SYNE1: variants seen among roughly 807,000 people sequenced by gnomAD.
SYNE1 encodes spectrin repeat containing nuclear envelope protein 1.
In SYNE1, 616 loss-of-function variants were observed where a neutral mutation model predicts 1,111.0. The ratio of observed to expected loss-of-function variants is 0.55; its 90% CI spans 0.52 to 0.59. The LOEUF (loss-of-function observed/expected upper bound fraction) is 0.59. SYNE1 is among the 20% of genes least tolerant of loss of function. SYNE1 has a pLI of 0.00. For synonymous variants in SYNE1, 3,855 were observed against 3,825.8 expected (o/e 1.01, Z -0.28); for missense variants, 10,006 against 10,417.0 (o/e 0.96, Z 1.72).
At chr6:152,241,500 C>CTGTGTGTGTGTGTGTGTGTGTG (rs1231628952) in intron 107 of SYNE1, among the ~76,000 whole-genome samples, 819 of 74,120 alleles carry the variant, frequency 0.011, 6 homozygotes, top group Middle Eastern at 0.026. Flanking sequence ...AATGCAAGAG[C>CTGTGTGTGTGTGTGTGTGTGTG]TGTGTGTGTG....
chr6:152,576,567 C>T (rs2099497329), intron 3 of SYNE1, among the ~76,000 whole-genome samples: 1 of 152,148 alleles, frequency 6.6e-6, no homozygotes, highest in African/African-American at 2.4e-5. Flanking sequence ...GGGATGCAGG[C>T]TACCCCAAAA....
intron 18 of SYNE1, 104 bp downstream of exon 18, chr6:152,465,154 G>A: frequency 7.7e-7 from 1 of 1,298,682 alleles, no homozygotes; most frequent in Non-Finnish European, 1.1e-6. Flanking sequence ...AGATTCTTGA[G>A]TGACACTTGT....
chr6:152,308,389 A>G, intron 91 of SYNE1, 100 bp downstream of exon 91: 1 of 1,547,472 alleles, frequency 6.5e-7, no homozygotes. Flanking sequence ...CATTAAGTGC[A>G]GGACAGGGGA....
At chr6:152,201,508 T>C (rs963103279) in intron 127 of SYNE1, among the ~76,000 whole-genome samples, 2 of 152,022 alleles carry the variant, frequency 1.3e-5, no homozygotes, top group Non-Finnish European at 2.9e-5. Flanking sequence ...GACTCGATTC[T>C]TCTGGTAGAA....
At chr6:152,149,382 GAGT>G in intron 136 of SYNE1, 92 bp downstream of exon 136, 1 of 1,461,454 alleles carries the variant, frequency 6.8e-7, no homozygotes, top group Non-Finnish European at 9.6e-7. Flanking sequence ...TCCAGCTCCA[GAGT>G]CTGAGCTCTC....
At chr6:152,372,226 C>T (rs1188021063) in intron 59 of SYNE1, among the ~76,000 whole-genome samples, 1 of 152,200 alleles carries the variant, frequency 6.6e-6, no homozygotes, top group Non-Finnish European at 1.5e-5. Flanking sequence ...GGTTATCACT[C>T]TGTTAAATGG....
At chr6:152,559,779 TC>T (rs562103129) in intron 3 of SYNE1, among the ~76,000 whole-genome samples, 26 of 151,832 alleles carry the variant, frequency 1.7e-4, no homozygotes, top group African/African-American at 5.8e-4. Flanking sequence ...ATAACAAAGA[TC>T]AGGGCAGAAA....
intron 31 of SYNE1, 128 bp downstream of exon 31, chr6:152,441,947 T>C (rs555709058): frequency 1.2e-5 from 14 of 1,138,666 alleles, no homozygotes; most frequent in South Asian, 2.5e-5. Context: ...ATGGTTCATG[T>C]ACAGAATTTA....
rs751859738 is a variant in SYNE1, at chr6:152,416,874, C to T, written c.5563G>A (p.Glu1855Lys). ...KAEDCFQLFE[E>K]ASQVVERRQL... ...CGCCTCTCCACAACCTGGCTGGCCT[C>T]CTCAAACAGCTGGAAGCAGTCCTCA... Residue 1855 changes from glutamate (E) to lysine (K), a missense_variant, in exon 41 of 146, where the codon GAG becomes AAG. Coordinates refer to ENST00000367255, the MANE Select transcript of SYNE1 (RefSeq NM_182961.4). 4 of 1,613,830 alleles carry T rather than the reference C, an allele frequency of 2.5e-6. No individual in the cohort carries two copies. In the East Asian group the frequency reaches 8.9e-5, roughly 36 times the overall value.
chr6:152,382,932 C>T (rs994540415), intron 55 of SYNE1, among the ~76,000 whole-genome samples: 8 of 152,168 alleles, frequency 5.3e-5, no homozygotes, highest in Non-Finnish European at 1.0e-4. Flanking sequence ...CATTTTTAAA[C>T]ATATGATATA....
chr6:152,348,252 A>C (rs898317333), intron 72 of SYNE1, among the ~76,000 whole-genome samples: 1 of 152,208 alleles, frequency 6.6e-6, no homozygotes, highest in African/African-American at 2.4e-5. Context: ...GTGAGGTTGT[A>C]CAACACAGTC....
rs938575567 is a variant in SYNE1 at position 152,407,074 on chromosome 6, T to C, written c.6663A>G (p.Ala2221=). ...GWSNNCVPQM[A]ENISNLDNHL... is the part of the protein sequence containing the mutation. ...GGTTATCCAGGTTGCTGATGTTTTC[T>C]GCCATCTGTGGAACGCAGTTGTTTG... The change falls in exon 45 of 146, where the codon GCA becomes GCG. Residue 2221 remains alanine (A), a synonymous_variant. Transcript: ENST00000367255. The C allele has an allele frequency of 2.5e-6, 4 of 1,613,980 alleles. No homozygotes were observed. The highest frequency in any genetic ancestry group is 3.3e-5 in the Admixed American group (2 of 60,002).
intron 98 of SYNE1, among the ~76,000 whole-genome samples, chr6:152,272,427 C>T (rs1467003580): frequency 6.6e-6 from 1 of 152,142 alleles, no homozygotes; most frequent in African/African-American, 2.4e-5. Context: ...CAGGAACATT[C>T]CTTGGAAGAT....
Position 152,502,204 on chromosome 6 carries a change from G to A in SYNE1, c.888+429C>T, listed in dbSNP as rs147088738. On this transcript the variant is annotated intron_variant, in intron 10 of 145. Coordinates refer to ENST00000367255, the MANE Select transcript of SYNE1 (RefSeq NM_182961.4). ...AATAATTAGAACTTTTACAAATTGC[G>A]TCTTACTTCCATATGTTTGCTGTCA... Among the ~76,000 whole-genome samples the A allele has an allele frequency of 4.9e-3, 748 of 151,702 alleles. 8 individuals are homozygous for A. The highest frequency in any genetic ancestry group is 0.017 in the African/African-American group (694 of 41,048).
chr6:152,493,083 C>T (rs778277785), intron 11 of SYNE1, among the ~76,000 whole-genome samples: 1 of 152,060 alleles, frequency 6.6e-6, no homozygotes, highest in Admixed American at 6.5e-5. Context: ...CCTCTTGTAT[C>T]CCCTGCACCT....
chr6:152,234,487 G>T (rs531128958), intron 111 of SYNE1, among the ~76,000 whole-genome samples, 181 bp downstream of exon 111: 33 of 152,090 alleles, frequency 2.2e-4, no homozygotes, highest in Non-Finnish European at 3.7e-4. Context: ...TAGAGACAGG[G>T]TTTCACCATG....
Position 152,518,453 on chromosome 6 carries a change from C to T in SYNE1, c.309+2006G>A, listed in dbSNP as rs531715071. On this transcript the variant is annotated intron_variant, in intron 6 of 145. Coordinates refer to ENST00000367255, the MANE Select transcript of SYNE1 (RefSeq NM_182961.4). ...CAGCACCTCGCCCCTTGCTCTCTTG[C>T]TCCTGCTCTGGCCATGTGACGTCCC... is the stretch of plus-strand genomic sequence containing the variant. Among the ~76,000 whole-genome samples, 48 of 152,030 alleles carry T rather than the reference C, an allele frequency of 3.2e-4. No homozygotes were observed. The South Asian group carries it at 9.8e-3, about 31-fold the overall frequency.
At chr6:152,384,273 T>C (rs1052330565) in intron 55 of SYNE1, among the ~76,000 whole-genome samples, 1 of 152,192 alleles carries the variant, frequency 6.6e-6, no homozygotes, top group African/African-American at 2.4e-5. Flanking sequence ...ACTCTAATAG[T>C]ACAGTAAGCT....
At chr6:152,232,340 AC>A in intron 112 of SYNE1, 75 bp from the exon 113 acceptor site, 1 of 1,474,342 alleles carries the variant, frequency 6.8e-7, no homozygotes, top group Non-Finnish European at 9.5e-7. Flanking sequence ...TAAAAACCCT[AC>A]AATAATTCTT....
Sources: allele counts gnomAD v4.1 joint callset (sites outside exome capture counted in the v4.1 genomes callset), GRCh38; gene constraint gnomAD v4.1.1; transcripts MANE v1.5; gene names NCBI Gene and HGNC (gene_info 2026-07-23, HGNC 2026-07-21).